Variants in SLC9A9 observed in about 807,000 individuals in gnomAD.
The protein encoded by SLC9A9 is sodium/hydrogen exchanger 9.
A neutral mutation model predicts 77.8 loss-of-function variants in SLC9A9; 62 were observed. The observed-to-expected ratio is 0.80, with a 90% confidence interval of 0.65 to 0.98. The LOEUF (loss-of-function observed/expected upper bound fraction) is 0.98, where lower values mean the gene tolerates loss of function less well. Among genes scored for constraint, SLC9A9 ranks in the 50% least tolerant of loss-of-function variants. The probability of loss-of-function intolerance (pLI) is 0.00; values close to 1 mark genes in which losing one functional copy is unlikely to be tolerated. For synonymous variants in SLC9A9, 320 were observed against 283.5 expected (o/e 1.13, Z -1.29); for missense variants, 775 against 774.9 (o/e 1.00, Z 0.00).
At position 143,589,062 on chromosome 3, in the gene SLC9A9, C is replaced by A. The variant is rs887805753; in HGVS notation, c.756-10339G>T. ...AAATATAATCATAAACAGGTGCAAG[C>A]AAGACCAAATATTAATCCCCACGGT... On this transcript the variant is annotated intron_variant, in intron 6 of 15. Transcript: ENST00000316549. Among the ~76,000 whole-genome samples the A allele has an allele frequency of 2.0e-5, 3 of 152,122 alleles. No homozygotes were observed. The East Asian group carries it at 5.8e-4, about 29-fold the overall frequency.
At chr3:143,571,828 T>C (rs1049162012) in intron 8 of SLC9A9, among the ~76,000 whole-genome samples, 13 of 152,322 alleles carry the variant, frequency 8.5e-5, no homozygotes, top group African/African-American at 3.1e-4. Context: ...TGGCTTATGT[T>C]ATGAGTTGTC....
chr3:143,827,646 C>T (rs1023350091), intron 2 of SLC9A9, among the ~76,000 whole-genome samples: 2 of 152,162 alleles, frequency 1.3e-5, no homozygotes, highest in African/African-American at 4.8e-5. Flanking sequence ...CTAACCATCC[C>T]AGAAATACAC....
At chr3:143,816,474 A>G (rs1163322785) in intron 2 of SLC9A9, among the ~76,000 whole-genome samples, 1 of 152,236 alleles carries the variant, frequency 6.6e-6, no homozygotes, top group African/African-American at 2.4e-5. Context: ...CACATTCAAC[A>G]TAGTTTTTGA....
chr3:143,564,015 A>C (rs75404626), intron 8 of SLC9A9, among the ~76,000 whole-genome samples: 9,913 of 152,226 alleles, frequency 0.065, 596 homozygotes, highest in African/African-American at 0.16. Flanking sequence ...TGTCCAGCAC[A>C]TGTCAGGTAC....
intron 13 of SLC9A9, among the ~76,000 whole-genome samples, chr3:143,370,546 C>T (rs2033029996): frequency 7.2e-6 from 1 of 139,334 alleles, no homozygotes; most frequent in Non-Finnish European, 1.5e-5. Context: ...TATACATGTA[C>T]ACAAGTATAT....
intron 14 of SLC9A9, among the ~76,000 whole-genome samples, chr3:143,305,794 CTT>C (rs780664144): frequency 6.6e-6 from 1 of 152,168 alleles, no homozygotes; most frequent in Admixed American, 6.5e-5. Flanking sequence ...AGGGGTGTGT[CTT>C]TGGCCAGAAG....
intron 14 of SLC9A9, among the ~76,000 whole-genome samples, chr3:143,346,699 AC>A (rs927388279): frequency 6.6e-6 from 1 of 152,150 alleles, no homozygotes; most frequent in African/African-American, 2.4e-5. Context: ...AGGGTGAGGC[AC>A]AAAAATCATT....
chr3:143,348,164 T>A (rs983065562), intron 14 of SLC9A9, among the ~76,000 whole-genome samples: 6 of 152,036 alleles, frequency 3.9e-5, no homozygotes, highest in African/African-American at 1.2e-4. Context: ...CAGGTCCAGC[T>A]AATTTTTGTA....
At chr3:143,535,349 C>T (rs907901556) in intron 9 of SLC9A9, among the ~76,000 whole-genome samples, 1 of 152,134 alleles carries the variant, frequency 6.6e-6, no homozygotes, top group Non-Finnish European at 1.5e-5. Context: ...CAGAAAGATA[C>T]ATGTTAAAAG....
intron 8 of SLC9A9, among the ~76,000 whole-genome samples, chr3:143,555,469 G>A (rs1383638127): frequency 6.6e-6 from 1 of 152,140 alleles, no homozygotes; most frequent in East Asian, 1.9e-4. Flanking sequence ...TAGGCACTCC[G>A]TATTTGTTGA....
intron 8 of SLC9A9, among the ~76,000 whole-genome samples, chr3:143,570,264 G>C (rs528270177): frequency 4.6e-5 from 7 of 152,052 alleles, no homozygotes; most frequent in African/African-American, 1.7e-4. Flanking sequence ...AATTAAAAAA[G>C]CTTCTCCTTC....
At chr3:143,757,593 C>G (rs994932048) in intron 4 of SLC9A9, among the ~76,000 whole-genome samples, 1 of 152,092 alleles carries the variant, frequency 6.6e-6, no homozygotes, top group East Asian at 1.9e-4. Context: ...CTCCCAGGTA[C>G]CAAAAACTAT....
At chr3:143,685,807 T>C (rs1010749436) in intron 5 of SLC9A9, among the ~76,000 whole-genome samples, 4 of 152,182 alleles carry the variant, frequency 2.6e-5, no homozygotes, top group Non-Finnish European at 1.5e-5. Context: ...AAACACACGA[T>C]TATAACTGCT....
At chr3:143,571,092 A>C (rs984607603) in intron 8 of SLC9A9, among the ~76,000 whole-genome samples, 2 of 152,216 alleles carry the variant, frequency 1.3e-5, no homozygotes, top group African/African-American at 4.8e-5. Flanking sequence ...AGCCCTGCTC[A>C]CTAGACGGAT....
intron 14 of SLC9A9, among the ~76,000 whole-genome samples, chr3:143,329,502 G>A (rs2031701534): frequency 6.6e-6 from 1 of 152,134 alleles, no homozygotes; most frequent in Non-Finnish European, 1.5e-5. Context: ...TTGGGGAGGG[G>A]GTGCAAATAA....
At chr3:143,736,633 G>T (rs1271523141) in intron 4 of SLC9A9, among the ~76,000 whole-genome samples, 6 of 152,192 alleles carry the variant, frequency 3.9e-5, no homozygotes, top group African/African-American at 1.4e-4. Flanking sequence ...GAAGATTGAA[G>T]ATGGAGAAAT....
At chr3:143,665,466 G>A (rs1002260134) in intron 5 of SLC9A9, among the ~76,000 whole-genome samples, 4 of 151,856 alleles carry the variant, frequency 2.6e-5, no homozygotes, top group African/African-American at 9.7e-5. Context: ...GCTAGCAGAA[G>A]GCAATAAATA....
chr3:143,794,453 G>A (rs985436237), intron 4 of SLC9A9, among the ~76,000 whole-genome samples: 1 of 152,014 alleles, frequency 6.6e-6, no homozygotes, highest in African/African-American at 2.4e-5. Flanking sequence ...GTGTGACTTA[G>A]GGCTCAGTAG....
At chr3:143,566,691 C>T (rs933700436) in intron 8 of SLC9A9, among the ~76,000 whole-genome samples, 3 of 152,064 alleles carry the variant, frequency 2.0e-5, no homozygotes, top group Non-Finnish European at 4.4e-5. Flanking sequence ...CTCCAATGAA[C>T]ATAAAATTGC....
Sources: gnomAD v4.1 joint callset for allele counts (sites outside exome capture counted in the v4.1 genomes callset) on GRCh38, gnomAD v4.1.1 for gene constraint, MANE v1.5 for transcripts, NCBI Gene and HGNC (gene_info 2026-07-23, HGNC 2026-07-21) for gene names.